Variants in ARAP3 observed in about 807,000 individuals in gnomAD.
ARAP3 encodes the protein ArfGAP with RhoGAP domain, ankyrin repeat and PH domain 3, also known as arf-GAP with Rho-GAP domain, ANK repeat and PH domain-containing protein 3.
ARAP3 carries 82 observed loss-of-function variants against 169.2 expected under a neutral mutation model. The observed-to-expected ratio is 0.48, with a 90% CI of 0.41 to 0.58. The LOEUF is 0.58. Ranked by LOEUF, ARAP3 falls within the 20% of genes least tolerant of loss-of-function variation. The probability of loss-of-function intolerance (pLI) is 0.00; values close to 1 mark genes in which losing one functional copy is unlikely to be tolerated. For missense variants in ARAP3, 1,764 were observed against 2,018.0 expected (o/e 0.87, Z 2.41); for synonymous variants, 791 against 800.3 (o/e 0.99, Z 0.20).
Position 141,656,743 on chromosome 5 carries a change from C to A in ARAP3, c.3630G>T (p.Leu1210=), listed in dbSNP as rs944747579. The change falls in exon 26 of 33, where the codon CTG becomes CTT. Residue 1210 remains leucine (L), a synonymous_variant. Coordinates refer to ENST00000239440, the MANE Select transcript of ARAP3 (RefSeq NM_022481.6). ...CTGTGAAGAGGCAGCCAGCTTGGGC[C>A]AGGGGGACTTTTTTCAAGAGCAGGG... ...SASLLLKKVP[L]AQAGCLFTGI... 5.0e-6 allele frequency: 8 copies of A among 1,611,620 alleles called. No homozygotes were observed. The highest frequency in any genetic ancestry group is 6.8e-6 in the Non-Finnish European group (8 of 1,179,020).
chr5:141,659,631 G>A (rs2099909687), intron 22 of ARAP3, 148 bp downstream of exon 22: 2 of 1,344,140 alleles, frequency 1.5e-6, no homozygotes, highest in African/African-American at 2.9e-5. Flanking sequence ...GGGAGAAGAA[G>A]GGCCAGGGCT....
chr5:141,670,735 T>A, intron 13 of ARAP3, 107 bp from the exon 14 acceptor site: 1 of 905,928 alleles, frequency 1.1e-6, no homozygotes, highest in Non-Finnish European at 1.8e-6. Flanking sequence ...CTGACTCCAC[T>A]GCCAGCACAG....
In ARAP3 at chr5:141,672,335, C is replaced by T. The variant is rs750139231; in HGVS notation, c.1386-34G>A. The T allele has an allele frequency of 1.2e-6, 2 of 1,610,178 alleles. No homozygotes were observed. The highest frequency in any genetic ancestry group is 2.7e-5 in the African/African-American group (2 of 74,650). On this transcript the variant is annotated intron_variant, in intron 9 of 32. Coordinates refer to ENST00000239440, the MANE Select transcript of ARAP3 (RefSeq NM_022481.6). This position sits in a 1 kb window ranked among gnomAD's most constrained non-coding sequence, Gnocchi z 4.9. ...TGGACAGCCAGTCCATGGGCATGGA[C>T]CTACCTGCCATGTCCCATCCCCCTG... is the stretch of plus-strand genomic sequence containing the variant.
chr5:141,670,448 G>A, intron 14 of ARAP3, 64 bp downstream of exon 14: 1 of 1,495,914 alleles, frequency 6.7e-7, no homozygotes, highest in South Asian at 1.1e-5. Context: ...TTGTCCCTCT[G>A]CAGTACCCTC....
At position 141,656,640 on chromosome 5, in the gene ARAP3, G is replaced by T; in HGVS notation, c.3656-3C>A. On this transcript the variant is annotated splice_region_variant and splice_polypyrimidine_tract_variant and intron_variant, in intron 26 of 32. Transcript: ENST00000239440. ...CCGTGGGCTCTCACGTCGGATACCTGGGCATAGATGGGCAATCCTGGGTGG... is the reference window on the plus strand; with the variant it reads ...CCGTGGGCTCTCACGTCGGATACCTTGGCATAGATGGGCAATCCTGGGTGG... The T allele has an allele frequency of 6.2e-7, 1 of 1,613,550 alleles. No homozygotes were observed. The highest frequency in any genetic ancestry group is 8.5e-7 in the Non-Finnish European group (1 of 1,179,786).
At chr5:141,655,591 A>G in intron 31 of ARAP3, 30 bp downstream of exon 31, 1 of 1,612,958 alleles carries the variant, frequency 6.2e-7, no homozygotes, top group Non-Finnish European at 8.5e-7. Flanking sequence ...CACGACAGGA[A>G]TCGGGTTGGG....
intron 4 of ARAP3, among the ~76,000 whole-genome samples, chr5:141,676,808 C>T (rs1459031945): frequency 6.6e-6 from 1 of 152,146 alleles, no homozygotes; most frequent in Non-Finnish European, 1.5e-5. Context: ...CTCTATGCAC[C>T]CATCTAAGTG....
In ARAP3 at chr5:141,653,637, A is replaced by T. The variant is rs2099908811; in HGVS notation, c.*313T>A. 1.2e-5 allele frequency: 3 copies of T among 255,252 alleles called. No individual in the cohort carries two copies. The allele number at this position is 255,252 out of a possible 1,614,324, so 15.8% of individuals were successfully genotyped here. On this transcript the variant is annotated 3_prime_UTR_variant, in exon 33 of 33. Transcript: ENST00000239440. ...TCTCTCATGGAACCCCTACGTATCAAATATATAAAGCAGGAGCTGCCCTTG... is the reference window on the plus strand; with the variant it reads ...TCTCTCATGGAACCCCTACGTATCATATATATAAAGCAGGAGCTGCCCTTG...
chr5:141,656,160 G>A (rs750513785), intron 28 of ARAP3, 34 bp downstream of exon 28: 76 of 1,613,938 alleles, frequency 4.7e-5, no homozygotes, highest in Non-Finnish European at 6.0e-5. Context: ...AGGCAGGAAG[G>A]CCCTGGAAGT....
Position 141,672,006 on chromosome 5 carries a change from G to T in ARAP3, c.1586-26C>A, listed in dbSNP as rs777608804. 6.2e-7 allele frequency: 1 copy of T among 1,613,942 alleles called. No homozygotes were observed. ...CTGTGAGGGTGTGAGGGTGTGTGAG[G>T]GTGTGTGAGGGTGTGAGGGGCATGT... On this transcript the variant is annotated intron_variant, in intron 10 of 32. Transcript: ENST00000239440. This position sits in a 1 kb window ranked among gnomAD's most constrained non-coding sequence, Gnocchi z 4.9.
intron 23 of ARAP3, among the ~76,000 whole-genome samples, chr5:141,658,911 C>T (rs543785191): frequency 2.6e-5 from 4 of 152,034 alleles, no homozygotes; most frequent in East Asian, 3.9e-4. Context: ...CTCTGCCACT[C>T]GCTACAGGGT....
In ARAP3 at chr5:141,658,471, T is replaced by G; in HGVS notation, c.3420A>C (p.Pro1140=). The G allele has an allele frequency of 6.2e-7, 1 of 1,614,128 alleles. No homozygotes were observed. Among genetic ancestry groups the G allele is most frequent in the Non-Finnish European group, 8.5e-7 (1 of 1,180,016 alleles). Residue 1140 remains proline, a synonymous_variant, in exon 25 of 33, where the codon CCA becomes CCC. Coordinates refer to ENST00000239440, the MANE Select transcript of ARAP3 (RefSeq NM_022481.6). ...TAGTCAGCTCCTCAGCAGTCAGGGT[T>G]GGGGACACCTGGGGTCAGGGCAAGA... ...PDNCVTLKVS[P]TLTAEELTNQ...
rs779696513 is a variant in ARAP3, at chr5:141,669,961, C to T, written c.2210G>A (p.Cys737Tyr). 6.2e-7 allele frequency: 1 copy of T among 1,600,260 alleles called. No homozygotes were observed. Among genetic ancestry groups the T allele is most frequent in the South Asian group, 1.1e-5 (1 of 90,034 alleles). The change falls in exon 15 of 33, where the codon TGT becomes TAT. Residue 737 changes from cysteine (C) to tyrosine (Y), a missense_variant. By Grantham distance (194) the Cys-to-Tyr change is radical. Coordinates refer to ENST00000239440, the MANE Select transcript of ARAP3 (RefSeq NM_022481.6). ...AGTGGGTGGGGGGCTCACACCCAGA[C>T]ATACAATATCCTGGGGCTGTATGAG... ...LSLIQPQDIV[C>Y]LGVSPPPTDP...
rs1262818536 is a variant in ARAP3, at chr5:141,653,896, A to G, written c.*54T>C. 4 of 1,506,696 alleles carry G rather than the reference A, an allele frequency of 2.7e-6. No individual in the cohort carries two copies. The highest frequency in any genetic ancestry group is 1.4e-5 in the African/African-American group (1 of 71,568). The allele number at this position is 1,506,696 out of a possible 1,614,324, so 93.3% of individuals were successfully genotyped here. A position where few individuals can be genotyped will look rare whatever the true frequency, so the allele number is the denominator to read the frequency against. On this transcript the variant is annotated 3_prime_UTR_variant, in exon 33 of 33. Transcript: ENST00000239440. ...CAGAGGAAGCTGCAACAGTGCCACGATAAGAGTTTCTGGGTCTTCTGGTAC... is the reference window on the plus strand; with the variant it reads ...CAGAGGAAGCTGCAACAGTGCCACGGTAAGAGTTTCTGGGTCTTCTGGTAC...
Position 141,666,586 on chromosome 5 carries a change from G to GGCCCAGCCGCAGCA in ARAP3, c.2396_2409dup (p.Arg804CysfsTer116). 2 of 1,527,080 alleles carry GGCCCAGCCGCAGCA rather than the reference G, an allele frequency of 1.3e-6. No homozygotes were observed. 94.6% of individuals were successfully genotyped at this position (1,527,080 alleles called of 1,614,324 possible). On this transcript the variant is annotated frameshift_variant, in exon 17 of 33. Coordinates refer to ENST00000239440, the MANE Select transcript of ARAP3 (RefSeq NM_022481.6). LOFTEE classifies it high-confidence loss of function. ...TGGGAGGGGGACCGCAGCCATAGGC[G>GGCCCAGCCGCAGCA]GCCCAGCCGCAGCAGCCCGGGGCCC... is the stretch of plus-strand genomic sequence containing the variant.
At chr5:141,668,168 T>A (rs1006941829) in intron 16 of ARAP3, among the ~76,000 whole-genome samples, 1 of 152,032 alleles carries the variant, frequency 6.6e-6, no homozygotes, top group East Asian at 1.9e-4. Context: ...TGCAGTGGCA[T>A]GATCACAGCT....
chr5:141,660,991 T>C (rs2099909883), intron 21 of ARAP3, among the ~76,000 whole-genome samples: 1 of 152,190 alleles, frequency 6.6e-6, no homozygotes, highest in Non-Finnish European at 1.5e-5. Flanking sequence ...ATGCCGGATG[T>C]ACTGGCATGT....
intron 17 of ARAP3, 23 bp from the exon 18 acceptor site, chr5:141,665,397 T>A: frequency 6.2e-7 from 1 of 1,611,650 alleles, no homozygotes; most frequent in Non-Finnish European, 8.5e-7. Context: ...TCAGTGGACA[T>A]TTTCATGATT....
In ARAP3 at chr5:141,666,605, G is replaced by T; in HGVS notation, c.2391C>A (p.Pro797=). The T allele has an allele frequency of 6.7e-7, 1 of 1,483,716 alleles. No individual in the cohort carries two copies. The highest frequency in any genetic ancestry group is 9.0e-7 in the Non-Finnish European group (1 of 1,113,230). 91.9% of individuals were successfully genotyped at this position (1,483,716 alleles called of 1,614,324 possible). The change falls in exon 17 of 33, where the codon CCC becomes CCA. Residue 797 remains proline (P), a synonymous_variant. Coordinates refer to ENST00000239440, the MANE Select transcript of ARAP3 (RefSeq NM_022481.6). ...SPLSCHQLLG[P]GLLRLGRLWL... ...ATAGGCGGCCCAGCCGCAGCAGCCCGGGGCCCAGCAGCTGGTGGCAGCTCA... is the reference window on the plus strand; with the variant it reads ...ATAGGCGGCCCAGCCGCAGCAGCCCTGGGCCCAGCAGCTGGTGGCAGCTCA...
Sources: gnomAD v4.1 joint callset for allele counts (sites outside exome capture counted in the v4.1 genomes callset) on GRCh38, gnomAD v4.1.1 for gene constraint, Gnocchi (gnomAD v3.1) non-coding constraint, MANE v1.5 for transcripts, NCBI Gene and HGNC (gene_info 2026-07-23, HGNC 2026-07-21) for gene names.